The following MACF1 variants were observed in gnomAD, a reference collection of about 807,000 sequenced individuals.
The protein encoded by MACF1 is microtubule actin crosslinking factor 1, also known as microtubule-actin cross-linking factor 1.
MACF1 carries 193 observed loss-of-function variants against 854.8 expected under a neutral mutation model. The ratio of observed to expected loss-of-function variants is 0.23; its 90% CI spans 0.20 to 0.25. MACF1 has a LOEUF of 0.25. Among genes scored for constraint, MACF1 ranks in the 10% least tolerant of loss-of-function variants. MACF1 has a pLI of 1.00. For missense variants in MACF1, 7,722 were observed against 8,929.1 expected (o/e 0.86, Z 5.45); for synonymous variants, 3,185 against 3,226.7 (o/e 0.99, Z 0.44).
chr1:39,379,566 A>G (rs1208749271), intron 54 of MACF1, 122 bp downstream of exon 54: 2 of 1,073,372 alleles, frequency 1.9e-6, no homozygotes, highest in Admixed American at 2.6e-5. Flanking sequence ...TGTGATGGGC[A>G]GTATGTTTGA....
intron 51 of MACF1, among the ~76,000 whole-genome samples, 183 bp from the exon 52 acceptor site, chr1:39,372,296 T>A (rs1306724754): frequency 6.6e-6 from 1 of 152,322 alleles, no homozygotes; most frequent in East Asian, 1.9e-4. Context: ...TGTACCCCAG[T>A]GTTTGGCATG....
chr1:39,378,497 G>A lies in MACF1; in HGVS notation c.13250G>A (p.Ser4417Asn). The A allele has an allele frequency of 6.2e-7, 1 of 1,614,032 alleles. No individual in the cohort carries two copies. The highest frequency in any genetic ancestry group is 8.5e-7 in the Non-Finnish European group (1 of 1,179,884). The change falls in exon 53 of 101, where the codon AGT (serine) becomes AAT (asparagine). Residue 4417 changes from serine (S) to asparagine (N), a missense_variant. Physicochemically the swap from Ser to Asn is conservative, Grantham distance 46. Transcript: ENST00000564288. ...CCCTCTGTAGGAAGCTCTGTAGGCA[G>A]TGTAAACGGATACCACACCTGCAAA... ...ILPSVGSSVG[S>N]VNGYHTCKDL...
At chr1:39,301,821 T>TTCTTTAAA (rs1646050581) in intron 22 of MACF1, among the ~76,000 whole-genome samples, 1 of 152,174 alleles carries the variant, frequency 6.6e-6, no homozygotes, top group Non-Finnish European at 1.5e-5. Flanking sequence ...CTCCTTAATG[T>TTCTTTAAA]GGCTTTAAGT....
chr1:39,415,661 G>A (rs201393675), intron 58 of MACF1, among the ~76,000 whole-genome samples: 17 of 151,892 alleles, frequency 1.1e-4, no homozygotes, highest in Middle Eastern at 3.4e-3. Context: ...GCGCCCAGCC[G>A]GCTCTAAGAT....
chr1:39,303,166 T>C, intron 23 of MACF1, 88 bp downstream of exon 23: 3 of 1,459,122 alleles, frequency 2.1e-6, no homozygotes, highest in Non-Finnish European at 2.8e-6. Context: ...TTTGTGATGT[T>C]TTTGAACACA....
chr1:39,317,341 G>T lies in MACF1; in HGVS notation c.3716G>T (p.Arg1239Leu), dbSNP rs138873333. The change falls in exon 29 of 101, where the codon CGC becomes CTC. Residue 1239 changes from arginine (R) to leucine (L), a missense_variant. Transcript: ENST00000564288. ...CCAGAGCGAAATCTGGATTTGGAGC[G>T]CTATCAGGAAAAAGGCTCCCAGCTG... ...LTPERNLDLE[R>L]YQEKGSQLQE... The T allele has an allele frequency of 5.6e-3, 9,045 of 1,613,788 alleles. 68 individuals carry two copies. The highest frequency in any genetic ancestry group is 5.4e-3 in the Non-Finnish European group (6,326 of 1,179,956).
intron 90 of MACF1, 110 bp downstream of exon 90, chr1:39,458,600 G>A (rs1394341953): frequency 1.9e-5 from 26 of 1,364,432 alleles, no homozygotes; most frequent in Non-Finnish European, 2.5e-5. Flanking sequence ...AAACCGTGTT[G>A]GTTTTGAACC....
chr1:39,408,924 CGGCCCCGCCCCCGCCG>C (rs1207035246), intron 58 of MACF1, among the ~76,000 whole-genome samples: 3 of 151,712 alleles, frequency 2.0e-5, no homozygotes, highest in African/African-American at 4.9e-5. Context: ...CTCCTCTCCC[CGGCCCCGCCCCCGCCG>C]GGCCCCGCCC....
intron 2 of MACF1, among the ~76,000 whole-genome samples, chr1:39,144,901 C>G (rs544330977): frequency 1.8e-4 from 27 of 152,194 alleles, no homozygotes; most frequent in Admixed American, 3.9e-4. Context: ...CTCCTTTTTT[C>G]CACTTATCCT....
intron 58 of MACF1, chr1:39,412,996 G>C (rs1171835493): frequency 1.3e-6 from 2 of 1,584,174 alleles, no homozygotes; most frequent in East Asian, 2.3e-5. Context: ...TACTGTCCCA[G>C]CTGTTACAGT....
intron 53 of MACF1, among the ~76,000 whole-genome samples, chr1:39,378,825 A>G (rs1476217012): frequency 6.6e-6 from 1 of 152,220 alleles, no homozygotes; most frequent in Non-Finnish European, 1.5e-5. Flanking sequence ...ACTAGAGATA[A>G]TCTAGTCTAG....
Position 39,463,669 on chromosome 1 carries a change from G to A in MACF1, c.21736G>A (p.Gly7246Arg). The change falls in exon 94 of 101, where the codon GGA (glycine) becomes AGA (arginine). Residue 7246 changes from glycine (G) to arginine (R), a missense_variant. Physicochemically the swap from Gly to Arg is moderately radical, Grantham distance 125. Coordinates refer to ENST00000564288, the MANE Select transcript of MACF1 (RefSeq NM_001394062.1). The part of the protein sequence containing the change: ...CAKRFQVEQI[G>R]ENKYRFFLGN... ...AAAAAGGTTTCAGGTGGAGCAGATC[G>A]GAGAGAATAAATACCGGGTAAGGAA... is the stretch of plus-strand genomic sequence containing the variant. 3 of 1,612,938 alleles carry A rather than the reference G, an allele frequency of 1.9e-6. No individual in the cohort carries two copies. The highest frequency in any genetic ancestry group is 2.5e-6 in the Non-Finnish European group (3 of 1,179,228).
intron 2 of MACF1, among the ~76,000 whole-genome samples, chr1:39,145,802 A>G (rs1328686407): frequency 6.6e-6 from 1 of 152,202 alleles, no homozygotes; most frequent in East Asian, 1.9e-4. Context: ...CTGTGTGTAC[A>G]GTGATGACTC....
chr1:39,220,481 A>ATTT (rs370805398), intron 1 of MACF1, among the ~76,000 whole-genome samples: 5,049 of 126,358 alleles, frequency 0.04, 127 homozygotes, highest in Non-Finnish European at 0.05. Flanking sequence ...CCTTTAATGA[A>ATTT]TTTTTTTTTT....
intron 2 of MACF1, among the ~76,000 whole-genome samples, chr1:39,178,181 CT>C (rs67390335): frequency 3.9e-4 from 54 of 137,544 alleles, no homozygotes; most frequent in Middle Eastern, 3.7e-3. Context: ...TTTCAACATT[CT>C]TTTTTTTTTT....
At chr1:39,219,846 G>A (rs1644627506) in intron 1 of MACF1, among the ~76,000 whole-genome samples, 1 of 152,176 alleles carries the variant, frequency 6.6e-6, no homozygotes, top group Non-Finnish European at 1.5e-5. Context: ...TGCCGCCCGG[G>A]TCCAAGCAGT....
At chr1:39,327,052 T>G (rs1646628233) in intron 35 of MACF1, among the ~76,000 whole-genome samples, 166 bp from the exon 36 acceptor site, 1 of 152,102 alleles carries the variant, frequency 6.6e-6, no homozygotes, top group Non-Finnish European at 1.5e-5. Context: ...GAACCATGAC[T>G]TGATTTGAGA....
At chr1:39,209,516 TATG>T (rs1196353587) in intron 1 of MACF1, among the ~76,000 whole-genome samples, 1 of 152,164 alleles carries the variant, frequency 6.6e-6, no homozygotes, top group Non-Finnish European at 1.5e-5. Flanking sequence ...AGTTGGATAA[TATG>T]ATCTTTTAAA....
At chr1:39,110,810 C>G (rs1642383830) in intron 2 of MACF1, among the ~76,000 whole-genome samples, 1 of 152,160 alleles carries the variant, frequency 6.6e-6, no homozygotes, top group African/African-American at 2.4e-5. Flanking sequence ...GGGAAATGCA[C>G]CAGCGTAAGC....
Sources: allele counts gnomAD v4.1 joint callset (sites outside exome capture counted in the v4.1 genomes callset), GRCh38; gene constraint gnomAD v4.1.1; transcripts MANE v1.5; gene names NCBI Gene and HGNC (gene_info 2026-07-23, HGNC 2026-07-21).